F8: variants seen among roughly 807,000 people sequenced by gnomAD.
The protein encoded by F8 is antihemophilic factor.
A neutral mutation model predicts 140.6 loss-of-function variants in F8; 12 were observed. The observed-to-expected ratio is 0.09, with a 90% CI of 0.05 to 0.14. F8 has a LOEUF of 0.14. Among genes scored for constraint, F8 ranks in the 10% least tolerant of loss-of-function variants. The pLI, the probability that F8 is intolerant of heterozygous loss-of-function variation, is 1.00. For missense variants in F8, 1,354 were observed against 1,720.7 expected (o/e 0.79, Z 3.77); for synonymous variants, 585 against 614.6 (o/e 0.95, Z 0.71).
chrX:154,953,945 G>A lies in F8; in HGVS notation c.1850C>T (p.Pro617Leu), dbSNP rs1426450176. 4.1e-6 allele frequency: 5 copies of A among 1,209,790 alleles called. No homozygotes were observed. The highest frequency in any genetic ancestry group is 4.5e-6 in the Non-Finnish European group (4 of 895,048). ...TENIQRFLPN[P>L]AGVQLEDPEF... is the part of the protein sequence containing the mutation. ...TGGATCCTCAAGCTGCACTCCAGCT[G>A]GATTGGGGAGAAAGCGTTGTATATT... Residue 617 changes from proline (P) to leucine (L), a missense_variant, in exon 12 of 26, where the codon CCA becomes CTA. By Grantham distance (98) the Pro-to-Leu change is moderately conservative (BLOSUM62 -3). This residue lies in a region of F8 where 252 missense variants were observed against 338.5 expected (regional missense o/e 0.74). Transcript: ENST00000360256.
intron 4 of F8, among the ~76,000 whole-genome samples, chrX:154,987,744 C>T (rs1247454641): frequency 1.8e-5 from 2 of 110,869 alleles, no homozygotes; most frequent in African/African-American, 6.6e-5. Context: ...TTTCAATAGC[C>T]CACAGTGCTT....
intron 24 of F8, 95 bp downstream of exon 24, chrX:154,861,623 C>T: frequency 9.4e-7 from 1 of 1,060,251 alleles, no homozygotes; most frequent in East Asian, 3.1e-5. Flanking sequence ...TAACAGTTGA[C>T]AGAAATACCT....
chrX:155,015,952 G>A (rs921188406), intron 1 of F8, among the ~76,000 whole-genome samples: 1 of 112,480 alleles, frequency 8.9e-6, no homozygotes, highest in Non-Finnish European at 1.9e-5. Flanking sequence ...CAAATTAAAA[G>A]TATAACCAGG....
At chrX:154,996,560 T>C (rs1274638009) in intron 3 of F8, among the ~76,000 whole-genome samples, 3 of 111,756 alleles carry the variant, frequency 2.7e-5, no homozygotes, top group African/African-American at 9.8e-5. Flanking sequence ...GCCAAGGAGG[T>C]GGGATACCCG....
At chrX:155,016,838 C>T (rs1289474854) in intron 1 of F8, among the ~76,000 whole-genome samples, 1 of 112,596 alleles carries the variant, frequency 8.9e-6, no homozygotes, top group African/African-American at 3.2e-5. Flanking sequence ...TTTGTCAAAA[C>T]TCATCAAACT....
At chrX:154,981,512 T>G (rs2073520805) in intron 6 of F8, among the ~76,000 whole-genome samples, 1 of 109,357 alleles carries the variant, frequency 9.1e-6, no homozygotes, top group Admixed American at 9.9e-5. Context: ...CACCTTTTCT[T>G]ATAAACGCCA....
At chrX:154,991,928 GAT>G (rs1352699623) in intron 4 of F8, among the ~76,000 whole-genome samples, 2 of 111,642 alleles carry the variant, frequency 1.8e-5, no homozygotes, top group Non-Finnish European at 3.8e-5. Flanking sequence ...TGGTCTTAGT[GAT>G]GCATTCTAAC....
chrX:154,850,463 T>C (rs2072607388), intron 25 of F8, among the ~76,000 whole-genome samples: 1 of 98,849 alleles, frequency 1.0e-5, no homozygotes, highest in Non-Finnish European at 2.1e-5. Flanking sequence ...CTTTTCCTTT[T>C]CTTCTTCTTC....
At position 154,931,105 on chromosome X, in the gene F8, G is replaced by T. The variant is rs1334381773; in HGVS notation, c.2685C>A (p.Phe895Leu). The change falls in exon 14 of 26, where the codon TTC becomes TTA. Residue 895 changes from phenylalanine (F) to leucine (L), a missense_variant. By Grantham distance (22) the Phe-to-Leu change is conservative. This residue lies in a region of F8 where 658 missense variants were observed against 666.5 expected (regional missense o/e 0.99). Transcript: ENST00000360256. ...GATTATTTGATGTACTAGAAACTTTGAAATCAAGTTTCTTCAACTCTGTTG... is the reference window on the plus strand; with the variant it reads ...GATTATTTGATGTACTAGAAACTTTTAAATCAAGTTTCTTCAACTCTGTTG... ...TAATELKKLD[F>L]KVSSTSNNLI... 2 of 1,204,758 alleles carry T rather than the reference G, an allele frequency of 1.7e-6. No individual in the cohort carries two copies. Among genetic ancestry groups the T allele is most frequent in the African/African-American group, 1.8e-5 (1 of 56,960 alleles).
intron 14 of F8, among the ~76,000 whole-genome samples, chrX:154,925,063 C>A (rs7357950): frequency 0.01 from 1,136 of 112,408 alleles, 15 homozygotes; most frequent in African/African-American, 0.035. Flanking sequence ...TAACATTCGG[C>A]TCCTCATTAC....
chrX:154,920,827 G>A (rs782748649), intron 14 of F8, among the ~76,000 whole-genome samples: 2 of 111,821 alleles, frequency 1.8e-5, no homozygotes, highest in South Asian at 7.4e-4. Flanking sequence ...TATAGCTTTA[G>A]TTTTTAAAAT....
intron 22 of F8, among the ~76,000 whole-genome samples, chrX:154,876,141 A>G (rs1461050234): frequency 1.2e-5 from 1 of 86,288 alleles, no homozygotes; most frequent in East Asian, 3.5e-4. Flanking sequence ...TTTTTTTGAG[A>G]CGGAGTCTCG....
In F8 at chrX:154,904,926, T is replaced by G. The variant is rs184905768; in HGVS notation, c.5471A>C (p.Asn1824Thr). The G allele has an allele frequency of 8.3e-7, 1 of 1,207,976 alleles. No individual in the cohort carries two copies. The highest frequency in any genetic ancestry group is 1.1e-6 in the Non-Finnish European group (1 of 894,186). The change falls in exon 16 of 26, where the codon AAC (asparagine) becomes ACC (threonine). Residue 1824 changes from asparagine (N) to threonine (T), a missense_variant. Coordinates refer to ENST00000360256, the MANE Select transcript of F8 (RefSeq NM_000132.4). ...TTTGGTTTCATTAGGCTTGACAAAG[T>G]TTTTTCTAGGTTCTGCTCCTTGCCT... Reference protein sequence around the residue: ...DQRQGAEPRKNFVKPNETKTY... With the variant: ...DQRQGAEPRKTFVKPNETKTY...
rs782210437 is a variant in F8, at chrX:154,923,975, GAAGAA to G, written c.5219+4591_5219+4595del. On this transcript the variant is annotated intron_variant, in intron 14 of 25. Coordinates refer to ENST00000360256, the MANE Select transcript of F8 (RefSeq NM_000132.4). ...GACAGAGCAAGACTCTGTCTAAAAA[GAAGAA>G]AAGAAAAAAAAGAGTTTTCCTGCAC... 4.5e-5 allele frequency among the ~76,000 whole-genome samples: 5 copies of G among 111,267 alleles called. No homozygotes were observed. The Admixed American group carries it at 4.8e-4, about 11-fold the overall frequency.
chrX:154,877,100 A>C (rs2072822499), intron 22 of F8, among the ~76,000 whole-genome samples: 1 of 112,397 alleles, frequency 8.9e-6, no homozygotes, highest in Non-Finnish European at 1.9e-5. Context: ...TTATATAGCT[A>C]ATAAATGTTG....
intron 21 of F8, among the ~76,000 whole-genome samples, chrX:154,896,505 G>A (rs1452378484): frequency 4.1e-5 from 3 of 73,880 alleles, no homozygotes; most frequent in Admixed American, 1.4e-4. Flanking sequence ...CCCCCATTTC[G>A]TACACACACA....
intron 25 of F8, among the ~76,000 whole-genome samples, chrX:154,859,800 G>A (rs1464638459): frequency 1.8e-5 from 2 of 111,232 alleles, no homozygotes; most frequent in African/African-American, 3.3e-5. Context: ...GAGACTTAAC[G>A]AATGAGTCAG....
At chrX:154,940,801 A>T (rs1041010094) in intron 13 of F8, among the ~76,000 whole-genome samples, 11 of 112,442 alleles carry the variant, frequency 9.8e-5, no homozygotes, top group Non-Finnish European at 2.1e-4. Flanking sequence ...AGCCCATCAG[A>T]CTAACAGCTG....
intron 5 of F8, 130 bp from the exon 6 acceptor site, chrX:154,984,933 G>A: frequency 1.8e-6 from 1 of 550,505 alleles, no homozygotes; most frequent in Non-Finnish European, 3.3e-6. Flanking sequence ...TAGGCACACA[G>A]CACTTATCCT....
Sources: gnomAD v4.1 joint callset for allele counts (sites outside exome capture counted in the v4.1 genomes callset) on GRCh38, gnomAD v4.1.1 for gene constraint, gnomAD v4.1.1 regional missense constraint, MANE v1.5 for transcripts, NCBI Gene and HGNC (gene_info 2026-07-23, HGNC 2026-07-21) for gene names.